Variants in BBS9 observed in about 807,000 individuals in gnomAD.
BBS9 encodes Bardet-Biedl syndrome 9.
Under a neutral mutation model 117.7 loss-of-function variants are expected in BBS9, and 89 were observed. The observed-to-expected ratio is 0.76, with a 90% CI of 0.64 to 0.90. BBS9 has a LOEUF of 0.90. Among genes scored for constraint, BBS9 ranks in the 40% least tolerant of loss-of-function variants. BBS9 has a pLI of 0.00. For synonymous variants in BBS9, 379 were observed against 370.9 expected, an observed-to-expected ratio of 1.02 and a Z score of -0.25; for missense variants, 982 against 1,042.2, an observed-to-expected ratio of 0.94 and a Z score of 0.80.
intron 9 of BBS9, among the ~76,000 whole-genome samples, chr7:33,285,206 G>A (rs1409829506): frequency 6.6e-6 from 1 of 152,146 alleles, no homozygotes; most frequent in African/African-American, 2.4e-5. Flanking sequence ...TGTCTGTACA[G>A]TTTTCTGGTT....
chr7:33,461,918 G>A (rs1205508111), intron 19 of BBS9, among the ~76,000 whole-genome samples: 1 of 151,952 alleles, frequency 6.6e-6, no homozygotes, highest in Non-Finnish European at 1.5e-5. Context: ...TTTGAATTCT[G>A]CAGTTTTTAA....
intron 3 of BBS9, among the ~76,000 whole-genome samples, chr7:33,153,359 T>C (rs931706251): frequency 6.6e-6 from 1 of 152,220 alleles, no homozygotes; most frequent in Non-Finnish European, 1.5e-5. Context: ...TTAAATCTAA[T>C]TTATTTTAGA....
At chr7:33,215,111 G>A (rs1788802982) in intron 5 of BBS9, among the ~76,000 whole-genome samples, 2 of 152,214 alleles carry the variant, frequency 1.3e-5, no homozygotes, top group Non-Finnish European at 2.9e-5. Context: ...AGAATGGTGT[G>A]AACCCGAGAG....
chr7:33,504,883 T>C (rs558056391), intron 19 of BBS9, among the ~76,000 whole-genome samples: 1 of 151,858 alleles, frequency 6.6e-6, no homozygotes, highest in Non-Finnish European at 1.5e-5. Context: ...CCCTGTGGGC[T>C]GGTGCCTGAT....
At chr7:33,288,389 T>C (rs891467583) in intron 9 of BBS9, among the ~76,000 whole-genome samples, 3 of 152,266 alleles carry the variant, frequency 2.0e-5, no homozygotes, top group African/African-American at 7.2e-5. Context: ...TGCTACATTG[T>C]GGTGCATTGG....
At chr7:33,409,428 C>T (rs1018972774) in intron 19 of BBS9, among the ~76,000 whole-genome samples, 7 of 152,098 alleles carry the variant, frequency 4.6e-5, no homozygotes, top group African/African-American at 1.7e-4. Flanking sequence ...CTTCCCCATG[C>T]TTATTTTTGT....
intron 9 of BBS9, among the ~76,000 whole-genome samples, chr7:33,311,371 G>A (rs936155097): frequency 3.9e-5 from 6 of 152,156 alleles, no homozygotes; most frequent in Admixed American, 6.5e-5. Flanking sequence ...ATAGAAGGCT[G>A]CATTTCTGAA....
chr7:33,575,404 A>C (rs899611641), intron 21 of BBS9, among the ~76,000 whole-genome samples: 1 of 152,180 alleles, frequency 6.6e-6, no homozygotes, highest in Non-Finnish European at 1.5e-5. Flanking sequence ...TCTGAAATGG[A>C]GGCAATAATT....
chr7:33,569,112 T>C (rs1585294478), intron 21 of BBS9, among the ~76,000 whole-genome samples: 1 of 152,264 alleles, frequency 6.6e-6, no homozygotes, highest in East Asian at 1.9e-4. Flanking sequence ...CCTGACTTTA[T>C]TGTGAATTGA....
chr7:33,280,207 T>G (rs1801543943), intron 9 of BBS9, among the ~76,000 whole-genome samples: 1 of 152,180 alleles, frequency 6.6e-6, no homozygotes. Context: ...ATACAGCAGG[T>G]ACAAGTGCAA....
At chr7:33,382,546 C>T (rs1359969871) in intron 17 of BBS9, among the ~76,000 whole-genome samples, 4 of 151,434 alleles carry the variant, frequency 2.6e-5, no homozygotes, top group African/African-American at 9.7e-5. Flanking sequence ...CATGGTTTTA[C>T]GTAGTTAAGT....
At chr7:33,216,981 GC>G (rs1327848560) in intron 5 of BBS9, among the ~76,000 whole-genome samples, 4 of 152,142 alleles carry the variant, frequency 2.6e-5, no homozygotes, top group Non-Finnish European at 5.9e-5. Context: ...TGTAATCCCA[GC>G]TACTCAGGAG....
chr7:33,214,847 A>C (rs368884993), intron 5 of BBS9, among the ~76,000 whole-genome samples: 1 of 152,188 alleles, frequency 6.6e-6, no homozygotes, highest in African/African-American at 2.4e-5. Flanking sequence ...GAAAAAACAA[A>C]ATTTATATGG....
intron 5 of BBS9, among the ~76,000 whole-genome samples, chr7:33,206,599 C>T (rs942595391): frequency 1.5e-4 from 23 of 152,158 alleles, no homozygotes; most frequent in African/African-American, 5.3e-4. Context: ...CATGTGTGTA[C>T]ATTTTTCCCT....
At chr7:33,188,267 A>C (rs1783495534) in intron 5 of BBS9, among the ~76,000 whole-genome samples, 1 of 152,140 alleles carries the variant, frequency 6.6e-6, no homozygotes, top group African/African-American at 2.4e-5. Flanking sequence ...TATGGTCTTC[A>C]GTATGGTCTT....
chr7:33,595,940 A>G (rs1862677540), intron 21 of BBS9, among the ~76,000 whole-genome samples: 1 of 152,010 alleles, frequency 6.6e-6, no homozygotes, highest in Non-Finnish European at 1.5e-5. Flanking sequence ...CAAACACCAC[A>G]TGTTCTCACT....
chr7:33,525,344 G>A (rs1248571482), intron 20 of BBS9, among the ~76,000 whole-genome samples: 9 of 122,736 alleles, frequency 7.3e-5, no homozygotes, highest in Non-Finnish European at 1.2e-4. Flanking sequence ...TGTTGACAGT[G>A]GGGTGTTAAA....
intron 21 of BBS9, among the ~76,000 whole-genome samples, chr7:33,593,403 TTTTTG>T (rs1314738185): frequency 6.6e-6 from 1 of 152,136 alleles, no homozygotes; most frequent in Non-Finnish European, 1.5e-5. Flanking sequence ...GTAGAGGTTT[TTTTTG>T]TTTTGTTTTG....
chr7:33,359,172 A>G (rs1563059016), intron 16 of BBS9, among the ~76,000 whole-genome samples: 1 of 152,002 alleles, frequency 6.6e-6, no homozygotes, highest in Non-Finnish European at 1.5e-5. Flanking sequence ...AACATCTTGT[A>G]TAAACTTATT....
Sources: gnomAD v4.1 joint callset for allele counts (sites outside exome capture counted in the v4.1 genomes callset) on GRCh38, gnomAD v4.1.1 for gene constraint, MANE v1.5 for transcripts, NCBI Gene and HGNC (gene_info 2026-07-23, HGNC 2026-07-21) for gene names.